ATP13A4: variants seen among roughly 807,000 people sequenced by gnomAD.
ATP13A4 encodes ATPase 13A4.
A neutral mutation model predicts 142.5 loss-of-function variants in ATP13A4; 114 were observed. That is an observed-to-expected ratio of 0.80 (90% confidence interval 0.69 to 0.93). The LOEUF is 0.93. ATP13A4 is among the 40% of genes least tolerant of loss of function. ATP13A4 has a pLI of 0.00. For synonymous variants in ATP13A4, 488 were observed against 514.8 expected (o/e 0.95, Z 0.70); for missense variants, 1,392 against 1,454.0 (o/e 0.96, Z 0.69).
chr3:193,417,889 A>G (rs1164568), intron 25 of ATP13A4, among the ~76,000 whole-genome samples: 120,647 of 141,598 alleles, frequency 0.85, 51,986 homozygotes, highest in African/African-American at 0.91. Flanking sequence ...TTGGGAGGCC[A>G]AGGCGGGCGG....
intron 1 of ATP13A4, among the ~76,000 whole-genome samples, chr3:193,551,612 T>C (rs1429905051): frequency 1.3e-5 from 2 of 152,244 alleles, no homozygotes; most frequent in African/African-American, 4.8e-5. Flanking sequence ...TTATCTCCAC[T>C]GATCTTCATG....
intron 1 of ATP13A4, among the ~76,000 whole-genome samples, chr3:193,587,410 G>GA (rs767855370): frequency 1.3e-5 from 2 of 152,044 alleles, no homozygotes; most frequent in Non-Finnish European, 2.9e-5. Context: ...ATATGTGTGT[G>GA]AAAATCTCCC....
chr3:193,451,220 C>A (rs568619520), intron 17 of ATP13A4, among the ~76,000 whole-genome samples: 12 of 152,288 alleles, frequency 7.9e-5, no homozygotes, highest in African/African-American at 2.9e-4. Context: ...GGTACTCAGG[C>A]CCCAGGCCTT....
At chr3:193,407,091 A>G (rs1303715073) in intron 29 of ATP13A4, among the ~76,000 whole-genome samples, 3 of 152,324 alleles carry the variant, frequency 2.0e-5, no homozygotes, top group African/African-American at 4.8e-5. Context: ...CTTAGAGACC[A>G]TAATTCCATT....
intron 1 of ATP13A4, among the ~76,000 whole-genome samples, chr3:193,542,882 G>A (rs913759142): frequency 1.1e-4 from 16 of 152,056 alleles, no homozygotes; most frequent in Admixed American, 9.8e-4. Flanking sequence ...AAACCTAGAA[G>A]AGGCCAGGCA....
intron 1 of ATP13A4, among the ~76,000 whole-genome samples, chr3:193,534,823 C>T (rs9871865): frequency 0.17 from 25,806 of 151,678 alleles, 2,307 homozygotes; most frequent in East Asian, 0.24. Flanking sequence ...AAATAATGGC[C>T]GAAAACATCT....
Position 193,457,053 on chromosome 3 carries a change from G to A in ATP13A4, c.1862C>T (p.Ala621Val). Residue 621 changes from alanine (A) to valine (V), a missense_variant, in exon 16 of 30, where the codon GCA becomes GTA. Ala to Val is a moderately conservative substitution (Grantham distance 64, BLOSUM62 0). Transcript: ENST00000342695. ...CCTCTCTGGTGCACCTTTCATGAAT[G>A]CCAGTCGGTCACCTCCCATCTCTTG... ...IVQEMGGDRL[A>V]FMKGAPERVA... 1 of 1,614,142 alleles carries A rather than the reference G, an allele frequency of 6.2e-7. No individual in the cohort carries two copies. The highest frequency in any genetic ancestry group is 8.5e-7 in the Non-Finnish European group (1 of 1,180,032).
chr3:193,431,710 A>G (rs1035206368), intron 25 of ATP13A4, among the ~76,000 whole-genome samples: 2 of 151,056 alleles, frequency 1.3e-5, no homozygotes, highest in African/African-American at 4.9e-5. Flanking sequence ...ATATACACAC[A>G]TATATATGTT....
At position 193,416,099 on chromosome 3, in the gene ATP13A4, C is replaced by A. The variant is rs1021762243; in HGVS notation, c.2843-1349G>T. Among the ~76,000 whole-genome samples, 19 of 152,114 alleles carry A rather than the reference C, an allele frequency of 1.2e-4. 1 individual carries two copies. The highest frequency in any genetic ancestry group is 2.9e-5 in the Non-Finnish European group (2 of 68,028). On this transcript the variant is annotated intron_variant, in intron 25 of 29. Transcript: ENST00000342695. ...TTTCACTCCTAGAGGTCAAGCAAATCTCTATCAAAACATTAGCTGAACAAA... is the reference window on the plus strand; with the variant it reads ...TTTCACTCCTAGAGGTCAAGCAAATATCTATCAAAACATTAGCTGAACAAA...
chr3:193,514,848 T>G lies in ATP13A4; in HGVS notation c.84A>C (p.Gln28His), dbSNP rs751263983. 1.2e-6 allele frequency: 2 copies of G among 1,614,148 alleles called. No individual in the cohort carries two copies. The highest frequency in any genetic ancestry group is 2.2e-5 in the South Asian group (2 of 91,080). The change falls in exon 2 of 30, where the codon CAA becomes CAC. Residue 28 changes from glutamine to histidine, a missense_variant. Gln to His is a conservative substitution (Grantham distance 24, BLOSUM62 0). Transcript: ENST00000342695. Reference sequence around the variant, plus strand: ...CAAGGCAGAGACTTTTCCGGCAGCCTTGAGTCCGATAGCCAAATATCTCCT... The same window carrying G: ...CAAGGCAGAGACTTTTCCGGCAGCCGTGAGTCCGATAGCCAAATATCTCCT... Reference protein sequence around the residue: ...NEMEIFGYRTQGCRKSLCLAG... With the variant: ...NEMEIFGYRTHGCRKSLCLAG...
At chr3:193,515,764 TC>T (rs1560248229) in intron 1 of ATP13A4, among the ~76,000 whole-genome samples, 1 of 152,190 alleles carries the variant, frequency 6.6e-6, no homozygotes, top group East Asian at 1.9e-4. Flanking sequence ...ATGGTCTTAG[TC>T]CCACAACTTT....
chr3:193,416,050 T>TTTTG (rs990405381), intron 25 of ATP13A4, among the ~76,000 whole-genome samples: 2 of 152,220 alleles, frequency 1.3e-5, no homozygotes, highest in Middle Eastern at 3.4e-3. Flanking sequence ...CTGGAGAAGG[T>TTTTG]TTTGTTTGTT....
chr3:193,561,333 G>C lies in ATP13A4; in HGVS notation n.291+20374C>G, dbSNP rs1724012308. Among the ~76,000 whole-genome samples, 2 of 152,218 alleles carry C rather than the reference G, an allele frequency of 1.3e-5. 1 individual carries two copies. Among genetic ancestry groups the C allele is most frequent in the South Asian group, 4.1e-4 (2 of 4,832 alleles). Reference sequence around the variant, plus strand: ...AAATCAAGAACAGGTTCCTGGTGCAGATGAAGAAAGCGGCAAGGCTGGGGC... The same window carrying C: ...AAATCAAGAACAGGTTCCTGGTGCACATGAAGAAAGCGGCAAGGCTGGGGC... On this transcript the variant is annotated intron_variant and non_coding_transcript_variant, in intron 2 of 3. Coordinates refer to the ATP13A4 transcript ENST00000489140.
At chr3:193,467,691 C>A (rs371263922) in intron 9 of ATP13A4, among the ~76,000 whole-genome samples, 87 of 152,206 alleles carry the variant, frequency 5.7e-4, no homozygotes, top group African/African-American at 2.0e-3. Context: ...GATATGTAAA[C>A]TGATAAGTAT....
chr3:193,541,567 C>T (rs1722931801), intron 1 of ATP13A4, among the ~76,000 whole-genome samples: 1 of 152,146 alleles, frequency 6.6e-6, no homozygotes. Context: ...TACTGACCAT[C>T]AGATTGGAAA....
chr3:193,444,693 A>G (rs1716840198), intron 18 of ATP13A4, among the ~76,000 whole-genome samples: 1 of 152,252 alleles, frequency 6.6e-6, no homozygotes, highest in Non-Finnish European at 1.5e-5. Context: ...TCCTGGTTAT[A>G]AGGCTTCTTG....
chr3:193,479,064 G>A lies in ATP13A4; in HGVS notation c.808+4872C>T, dbSNP rs990944946. Among the ~76,000 whole-genome samples the A allele has an allele frequency of 5.9e-5, 9 of 152,026 alleles. No individual in the cohort carries two copies. The South Asian group carries it at 1.7e-3, about 28-fold the overall frequency. ...CATAAAAAGCATTTGACAAAATCCA[G>A]CATCCCTTTATTATTAAAACCCTCA... On this transcript the variant is annotated intron_variant, in intron 8 of 29. Coordinates refer to ENST00000342695, the MANE Select transcript of ATP13A4 (RefSeq NM_032279.4).
At chr3:193,501,627 A>G (rs191485835) in intron 3 of ATP13A4, among the ~76,000 whole-genome samples, 1 of 151,984 alleles carries the variant, frequency 6.6e-6, no homozygotes, top group East Asian at 1.9e-4. Flanking sequence ...ATAACAATTG[A>G]CAATAGGAAA....
chr3:193,410,458 A>C (rs566348982), intron 28 of ATP13A4, among the ~76,000 whole-genome samples: 2 of 152,340 alleles, frequency 1.3e-5, no homozygotes, highest in East Asian at 3.9e-4. Context: ...TAAGCCTGTA[A>C]GCCTAGCGCG....
Sources: allele counts gnomAD v4.1 joint callset (sites outside exome capture counted in the v4.1 genomes callset), GRCh38; gene constraint gnomAD v4.1.1; transcripts MANE v1.5; gene names NCBI Gene and HGNC (gene_info 2026-07-23, HGNC 2026-07-21).